Variants in STK33 observed in about 807,000 individuals in gnomAD.
The protein encoded by STK33 is serine/threonine kinase 33.
A neutral mutation model predicts 58.0 loss-of-function variants in STK33; 52 were observed. The observed-to-expected ratio is 0.90, with a 90% CI of 0.72 to 1.13. The LOEUF (loss-of-function observed/expected upper bound fraction) is 1.13, where lower values mean the gene tolerates loss of function less well. STK33 is among the 50% of genes most tolerant of loss of function. The pLI, the probability that STK33 is intolerant of heterozygous loss-of-function variation, is 0.00. For synonymous variants in STK33, 215 were observed against 200.1 expected, an observed-to-expected ratio of 1.07 and a Z score of -0.63; for missense variants, 630 against 604.2, an observed-to-expected ratio of 1.04 and a Z score of -0.45.
downstream of STK33, among the ~76,000 whole-genome samples, chr11:8,388,813 G>A (rs1848579260): frequency 6.6e-6 from 1 of 152,186 alleles, no homozygotes; most frequent in Non-Finnish European, 1.5e-5. Flanking sequence ...TCAGATTTCA[G>A]GTTCGGTATC....
At chr11:8,566,049 A>G (rs960475001) in intron 1 of STK33, 1 of 152,228 alleles carries the variant, frequency 6.6e-6, no homozygotes, top group Non-Finnish European at 1.5e-5. Flanking sequence ...AGCCAAAATC[A>G]TTATTTACAT....
At chr11:8,436,193 T>C in intron 12 of STK33, 54 bp from the exon 13 acceptor site, 1 of 1,092,264 alleles carries the variant, frequency 9.2e-7, no homozygotes. Flanking sequence ...AAAATAAGCC[T>C]ATTAAAATTA....
At chr11:8,363,080 G>A in the STK33 span, among the ~76,000 whole-genome samples, 1 of 152,162 alleles carries the variant, frequency 6.6e-6, no homozygotes, top group East Asian at 1.9e-4. Context: ...CAGAGCAGCA[G>A]GTGATGACCG....
rs565420469 is a variant in STK33, at chr11:8,587,927, T to C, written c.-466+6156A>G. 3.1e-4 allele frequency among the ~76,000 whole-genome samples: 47 copies of C among 152,316 alleles called. 1 individual carries two copies. The South Asian group carries it at 6.0e-3, about 19-fold the overall frequency. Reference sequence around the variant, plus strand: ...TTCAGGCTGCTCTAACAGAATACCATAGACTGGGTGGCTTAAACAACAAAC... The same window carrying C: ...TTCAGGCTGCTCTAACAGAATACCACAGACTGGGTGGCTTAAACAACAAAC... On this transcript the variant is annotated intron_variant, in intron 1 of 15. Transcript: ENST00000687296.
At chr11:8,368,988 T>A in the STK33 span, among the ~76,000 whole-genome samples, 1 of 152,094 alleles carries the variant, frequency 6.6e-6, no homozygotes, top group Non-Finnish European at 1.5e-5. Context: ...TGCGTCCATC[T>A]GTATGGAATG....
intron 1 of STK33, among the ~76,000 whole-genome samples, chr11:8,493,715 T>C (rs968800042): frequency 3.3e-5 from 5 of 152,126 alleles, no homozygotes; most frequent in African/African-American, 7.2e-5. Context: ...ACTGGCAAAC[T>C]GAATCCAGCA....
At chr11:8,534,568 C>CTCTCTGTGTGTGTGTGTGTGTGTG (rs1402710450) in intron 1 of STK33, among the ~76,000 whole-genome samples, 1 of 104,694 alleles carries the variant, frequency 9.6e-6, no homozygotes, top group African/African-American at 4.1e-5. Flanking sequence ...CTCTCTCTCT[C>CTCTCTGTGTGTGTGTGTGTGTGTG]TGTGTGTGTG....
chr11:8,510,223 G>GTAA (rs1952202284), intron 1 of STK33, among the ~76,000 whole-genome samples: 1 of 152,092 alleles, frequency 6.6e-6, no homozygotes, highest in East Asian at 1.9e-4. Context: ...ATCTCATTGT[G>GTAA]GTTTTAATTT....
intron 14 of STK33, among the ~76,000 whole-genome samples, chr11:8,418,725 T>C (rs1941485092): frequency 6.6e-6 from 1 of 152,194 alleles, no homozygotes; most frequent in Non-Finnish European, 1.5e-5. Flanking sequence ...GTGTAAGTGT[T>C]CCCTTTTCTC....
chr11:8,392,423 A>T lies in STK33; in HGVS notation c.*87T>A, dbSNP rs1228222366. 58 of 1,473,674 alleles carry T rather than the reference A, an allele frequency of 3.9e-5. No individual in the cohort carries two copies. Among genetic ancestry groups the T allele is most frequent in the Non-Finnish European group, 5.0e-5 (53 of 1,063,996 alleles). The allele number at this position is 1,473,674 out of a possible 1,614,324, so 91.3% of individuals were successfully genotyped here. A position where few individuals can be genotyped will look rare whatever the true frequency, so the allele number is the denominator to read the frequency against. On this transcript the variant is annotated 3_prime_UTR_variant, in exon 16 of 16. Coordinates refer to ENST00000687296, the MANE Select transcript of STK33 (RefSeq NM_001352389.2). ...AGCTAAAAGGCTACAAGCTCAGCAT[A>T]GGGCTGTCTTCTTCCCCTCCTACCC... is the stretch of plus-strand genomic sequence containing the variant.
chr11:8,378,459 A>G, the STK33 span, among the ~76,000 whole-genome samples: 1 of 152,230 alleles, frequency 6.6e-6, no homozygotes. Context: ...CAGAGGTTGC[A>G]GTGAGTCAAG....
chr11:8,337,558 A>G, the STK33 span, among the ~76,000 whole-genome samples: 1 of 142,932 alleles, frequency 7.0e-6, no homozygotes, highest in Middle Eastern at 3.7e-3. Flanking sequence ...GCAGGCCTAC[A>G]GGGAGGCTTT....
At chr11:8,506,732 G>C (rs1180491465) in intron 1 of STK33, among the ~76,000 whole-genome samples, 7 of 152,096 alleles carry the variant, frequency 4.6e-5, no homozygotes, top group African/African-American at 1.7e-4. Context: ...ACACCTTTGG[G>C]GGGCCGTTAT....
chr11:8,523,608 C>T (rs1048666301), intron 1 of STK33, among the ~76,000 whole-genome samples: 19 of 151,486 alleles, frequency 1.3e-4, no homozygotes, highest in Non-Finnish European at 1.8e-4. Flanking sequence ...GCAGCCTCCC[C>T]GTCTGGGAAG....
chr11:8,585,150 T>C (rs989619575), intron 1 of STK33, among the ~76,000 whole-genome samples: 1 of 151,152 alleles, frequency 6.6e-6, no homozygotes, highest in African/African-American at 2.4e-5. Context: ...CTCAAACTCC[T>C]GACTTCAGGT....
the STK33 span, among the ~76,000 whole-genome samples, chr11:8,358,391 G>A: frequency 1.3e-4 from 20 of 152,364 alleles, no homozygotes; most frequent in South Asian, 1.9e-3. Flanking sequence ...ATGCATTGGT[G>A]AGTGGGGGCG....
the STK33 span, among the ~76,000 whole-genome samples, chr11:8,385,308 A>G: frequency 6.6e-6 from 1 of 152,186 alleles, no homozygotes; most frequent in African/African-American, 2.4e-5. Context: ...CGAGCCCTCA[A>G]TGGCTTCCCA....
At chr11:8,458,022 T>A (rs1947084980) in intron 8 of STK33, among the ~76,000 whole-genome samples, 4 of 152,174 alleles carry the variant, frequency 2.6e-5, no homozygotes, top group Admixed American at 2.6e-4. Context: ...GTTCTGGATA[T>A]CATGATAAGG....
intron 4 of STK33, among the ~76,000 whole-genome samples, chr11:8,476,398 G>T (rs942502506): frequency 7.9e-5 from 12 of 152,190 alleles, no homozygotes; most frequent in African/African-American, 2.9e-4. Context: ...AAATGACAAA[G>T]AAATTTTGTT....
Sources: gnomAD v4.1 joint callset for allele counts (sites outside exome capture counted in the v4.1 genomes callset) on GRCh38, gnomAD v4.1.1 for gene constraint, MANE v1.5 for transcripts, NCBI Gene and HGNC (gene_info 2026-07-23, HGNC 2026-07-21) for gene names.